The following FAM9B variants were observed in gnomAD, a reference collection of about 807,000 sequenced individuals.
The protein encoded by FAM9B is family with sequence similarity 9 member B.
A neutral mutation model predicts 16.6 loss-of-function variants in FAM9B; 18 were observed. The observed-to-expected ratio is 1.09, with a 90% CI of 0.75 to 1.61. The LOEUF is 1.61. FAM9B is among the 40% of genes most tolerant of loss of function. FAM9B has a pLI of 0.00. For synonymous variants in FAM9B, 43 were observed against 42.6 expected (o/e 1.01, Z -0.03); for missense variants, 155 against 136.0 (o/e 1.14, Z -0.70).
chrX:9,025,718 C>G (rs1569137638), intron 7 of FAM9B, 135 bp from the exon 8 acceptor site: 1 of 469,888 alleles, frequency 2.1e-6, no homozygotes, highest in African/African-American at 2.4e-5. Flanking sequence ...ATAGAAAAAA[C>G]TATAATCAAT....
intron 6 of FAM9B, among the ~76,000 whole-genome samples, chrX:9,029,091 C>G (rs912549280): frequency 8.9e-6 from 1 of 111,893 alleles, no homozygotes; most frequent in Non-Finnish European, 1.9e-5. Context: ...AATATGCCAA[C>G]TGGGCTTACT....
In FAM9B at chrX:9,027,907, CCTCTCTCT is replaced by C; in HGVS notation, c.445_452del (p.Arg149AlafsTer9). 9.9e-6 allele frequency: 12 copies of C among 1,210,642 alleles called. No individual in the cohort carries two copies. Among genetic ancestry groups the C allele is most frequent in the Non-Finnish European group, 1.3e-5 (12 of 894,748 alleles). ...CACGTAGCAGCTTCATCTCTTTCAG[CCTCTCTCT>C]CCTAACACTTCTATATTGTTGCCAC... On this transcript the variant is annotated frameshift_variant, in exon 7 of 9. Coordinates refer to ENST00000327220, the MANE Select transcript of FAM9B (RefSeq NM_205849.3). LOFTEE classifies it high-confidence loss of function.
intron 6 of FAM9B, among the ~76,000 whole-genome samples, chrX:9,028,895 A>G (rs999574328): frequency 1.8e-5 from 2 of 110,982 alleles, no homozygotes; most frequent in Non-Finnish European, 3.8e-5. Context: ...CACCCACTGA[A>G]TGGAGCACTT....
At chrX:9,032,239 T>C (rs1454159917) in intron 3 of FAM9B, 78 bp from the exon 4 acceptor site, 14 of 1,193,623 alleles carry the variant, frequency 1.2e-5, no homozygotes, top group Non-Finnish European at 1.5e-5. Context: ...AAATGTCTTA[T>C]GTGAAATGTT....
At chrX:9,027,226 T>C (rs1443495332) in intron 7 of FAM9B, among the ~76,000 whole-genome samples, 1 of 112,035 alleles carries the variant, frequency 8.9e-6, no homozygotes, top group African/African-American at 3.2e-5. Context: ...TGTAGAACCA[T>C]TACTAATAAT....
Position 9,033,619 on chromosome X carries a change from C to T in FAM9B, c.-90+233G>A, listed in dbSNP as rs1393483613. 3 of 458,033 alleles carry T rather than the reference C, an allele frequency of 6.5e-6. No individual in the cohort carries two copies. The East Asian group carries it at 6.5e-4, about 99-fold the overall frequency. The allele number at this position is 458,033 out of a possible 1,213,427, so 37.7% of individuals were successfully genotyped here. On this transcript the variant is annotated intron_variant, in intron 1 of 8. Transcript: ENST00000327220. ...CCCCTCCCCCCAACACATGCACAAG[C>T]CCCCAGGACCCTCCCGGGCCCTAGG... is the stretch of plus-strand genomic sequence containing the variant.
Position 9,025,500 on chromosome X carries a change from T to C in FAM9B, c.*15A>G. ...ACTACTTACAGTTCTGACATGATTT[T>C]ATTTAAAAACATGTCTAGTTATCAA... is the stretch of plus-strand genomic sequence containing the variant. On this transcript the variant is annotated 3_prime_UTR_variant, in exon 8 of 9. Coordinates refer to ENST00000327220, the MANE Select transcript of FAM9B (RefSeq NM_205849.3). 8.4e-7 allele frequency: 1 copy of C among 1,186,167 alleles called. No individual in the cohort carries two copies. Among genetic ancestry groups the C allele is most frequent in the South Asian group, 1.9e-5 (1 of 53,856 alleles).
chrX:9,029,437 A>G lies in FAM9B; in HGVS notation c.282-19T>C. On this transcript the variant is annotated intron_variant, in intron 5 of 8. Coordinates refer to ENST00000327220, the MANE Select transcript of FAM9B (RefSeq NM_205849.3). ...TTTCTGCCTGTAACACATAATAAGTAACACGGTCATACGTCATAGAGAGAT... is the reference window on the plus strand; with the variant it reads ...TTTCTGCCTGTAACACATAATAAGTGACACGGTCATACGTCATAGAGAGAT... 1 of 1,073,310 alleles carries G rather than the reference A, an allele frequency of 9.3e-7. No homozygotes were observed. Among genetic ancestry groups the G allele is most frequent in the African/African-American group, 1.8e-5 (1 of 55,206 alleles). The allele number at this position is 1,073,310 out of a possible 1,213,427, so 88.5% of individuals were successfully genotyped here.
At position 9,028,029 on chromosome X, in the gene FAM9B, T is replaced by A. The variant is rs1920984511; in HGVS notation, c.394-63A>T. Reference sequence around the variant, plus strand: ...AAATTTTAATACTTACAAAACATAATTCTGCATTAGCTTTAAAGGAATACT... The same window carrying A: ...AAATTTTAATACTTACAAAACATAAATCTGCATTAGCTTTAAAGGAATACT... On this transcript the variant is annotated intron_variant, in intron 6 of 8. Coordinates refer to ENST00000327220, the MANE Select transcript of FAM9B (RefSeq NM_205849.3). The A allele has an allele frequency of 8.6e-6, 7 of 812,696 alleles. No individual in the cohort carries two copies. The East Asian group carries it at 1.6e-4, about 18-fold the overall frequency. The allele number at this position is 812,696 out of a possible 1,213,427, so 67.0% of individuals were successfully genotyped here. A position where few individuals can be genotyped will look rare whatever the true frequency, so the allele number is the denominator to read the frequency against.
chrX:9,032,471 A>T lies in FAM9B; in HGVS notation c.29-10T>A, dbSNP rs1445621940. The T allele has an allele frequency of 8.4e-7, 1 of 1,188,073 alleles. No homozygotes were observed. Among genetic ancestry groups the T allele is most frequent in the East Asian group, 3.1e-5 (1 of 32,200 alleles). On this transcript the variant is annotated splice_polypyrimidine_tract_variant and intron_variant, in intron 2 of 8. Coordinates refer to ENST00000327220, the MANE Select transcript of FAM9B (RefSeq NM_205849.3). ...CGGACTGGATCCTTTCCTGCATTAAAATGTAAAAGACAAACCTTTTTTAGA... is the reference window on the plus strand; with the variant it reads ...CGGACTGGATCCTTTCCTGCATTAATATGTAAAAGACAAACCTTTTTTAGA...
chrX:9,028,024 C>A, intron 6 of FAM9B, 58 bp from the exon 7 acceptor site: 6 of 802,157 alleles, frequency 7.5e-6, no homozygotes, highest in Non-Finnish European at 1.1e-5. Context: ...ACTTACAAAA[C>A]ATAATTCTGC....
rs746993655 is a variant in FAM9B at position 9,030,115 on chromosome X, A to G, written c.281+146T>C. 1.0e-5 allele frequency: 11 copies of G among 1,095,179 alleles called. No homozygotes were observed. In the East Asian group the frequency reaches 3.3e-4, roughly 33 times the overall value. The allele number at this position is 1,095,179 out of a possible 1,213,427, so 90.3% of individuals were successfully genotyped here. A position where few individuals can be genotyped will look rare whatever the true frequency, so the allele number is the denominator to read the frequency against. Reference sequence around the variant, plus strand: ...TAAACTGAGGTTATAAAACTAAAGAAACTTACCTACTTAGAGAACAATCAA... The same window carrying G: ...TAAACTGAGGTTATAAAACTAAAGAGACTTACCTACTTAGAGAACAATCAA... On this transcript the variant is annotated intron_variant, in intron 5 of 8. Coordinates refer to ENST00000327220, the MANE Select transcript of FAM9B (RefSeq NM_205849.3).
chrX:9,028,464 C>T (rs1430597025), intron 6 of FAM9B, among the ~76,000 whole-genome samples: 1 of 111,160 alleles, frequency 9.0e-6, no homozygotes. Flanking sequence ...ACACAGTCAT[C>T]CCCTAGATTT....
In FAM9B at chrX:9,030,259, A is replaced by C; in HGVS notation, c.281+2T>G. ...ATTATGCAAAAAAGCCAACAGTCAT[A>C]CCTTTTAAGTTGCTTTTTTCTCAAA... is the stretch of plus-strand genomic sequence containing the variant. On this transcript the variant is annotated splice_donor_variant, in intron 5 of 8. Coordinates refer to ENST00000327220, the MANE Select transcript of FAM9B (RefSeq NM_205849.3). LOFTEE classifies it high-confidence loss of function. 1 of 1,193,459 alleles carries C rather than the reference A, an allele frequency of 8.4e-7. No homozygotes were observed. The highest frequency in any genetic ancestry group is 1.7e-5 in the African/African-American group (1 of 57,245).
At chrX:9,033,247 C>T in intron 1 of FAM9B, 172 bp from the exon 2 acceptor site, 1 of 1,096,645 alleles carries the variant, frequency 9.1e-7, no homozygotes, top group Non-Finnish European at 1.2e-6. Context: ...CCCGTCCAGC[C>T]CGTCCCCGGG....
In FAM9B at chrX:9,029,401, A is replaced by T. The variant is rs1299329055; in HGVS notation, c.299T>A (p.Ile100Lys). 8.3e-7 allele frequency: 1 copy of T among 1,197,868 alleles called. No homozygotes were observed. The highest frequency in any genetic ancestry group is 1.1e-6 in the Non-Finnish European group (1 of 883,094). Residue 100 changes from isoleucine to lysine, a missense_variant, in exon 6 of 9, where the codon ATA becomes AAA. Coordinates refer to ENST00000327220, the MANE Select transcript of FAM9B (RefSeq NM_205849.3). ...GACATTTAGCAACTTCAGAGAATGT[A>T]TATAATCACGTTTCTGCCTGTAACA... Reference protein sequence around the residue: ...KQLKRQKRDYIHSLKLLNVLE... With the variant: ...KQLKRQKRDYKHSLKLLNVLE...
intron 2 of FAM9B, 68 bp downstream of exon 2, chrX:9,032,891 C>A: frequency 1.7e-6 from 2 of 1,181,038 alleles, no homozygotes; most frequent in South Asian, 1.9e-5. Flanking sequence ...GTGCCCCCAG[C>A]GCAGAAAGCA....
intron 2 of FAM9B, 54 bp from the exon 3 acceptor site, chrX:9,032,515 C>T (rs1337194082): frequency 4.6e-6 from 5 of 1,095,591 alleles, no homozygotes; most frequent in Middle Eastern, 5.1e-4. Flanking sequence ...CTGCTGTGGA[C>T]ATTTTTTGTG....
chrX:9,029,125 C>T (rs1331175439), intron 6 of FAM9B, among the ~76,000 whole-genome samples, 182 bp downstream of exon 6: 1 of 111,921 alleles, frequency 8.9e-6, no homozygotes, highest in East Asian at 2.8e-4. Context: ...CGTTATGATG[C>T]TGACTTCAGT....
Sources: allele counts gnomAD v4.1 joint callset (sites outside exome capture counted in the v4.1 genomes callset), GRCh38; gene constraint gnomAD v4.1.1; transcripts MANE v1.5; gene names NCBI Gene and HGNC (gene_info 2026-07-23, HGNC 2026-07-21).